The following AK5 variants were observed in gnomAD, a reference collection of about 807,000 sequenced individuals.
AK5 encodes the protein adenylate kinase 5, also known as adenylate kinase isoenzyme 5.
In AK5, 27 loss-of-function variants were observed where a neutral mutation model predicts 69.5. The observed-to-expected ratio is 0.39, with a 90% CI of 0.29 to 0.54. AK5 has a LOEUF of 0.54. Among genes scored for constraint, AK5 ranks in the 20% least tolerant of loss-of-function variants. AK5 has a pLI of 0.71. For synonymous variants in AK5, 260 were observed against 244.4 expected (o/e 1.06, Z -0.60); for missense variants, 531 against 700.4 (o/e 0.76, Z 2.73).
chr1:77,297,977 A>G (rs1224655300), intron 5 of AK5, 30 bp downstream of exon 5: 2 of 1,504,064 alleles, frequency 1.3e-6, no homozygotes, highest in Non-Finnish European at 9.0e-7. Context: ...TTTTAAATGA[A>G]CTACTTTTTG....
chr1:77,558,522 C>A (rs1181675560), intron 13 of AK5, 80 bp from the exon 14 acceptor site: 4 of 886,722 alleles, frequency 4.5e-6, no homozygotes, highest in East Asian at 2.5e-5. Flanking sequence ...AAATTATGAG[C>A]AAGTGATAGT....
chr1:77,291,678 A>G (rs1416809487), intron 2 of AK5, among the ~76,000 whole-genome samples: 1 of 152,190 alleles, frequency 6.6e-6, no homozygotes, highest in East Asian at 1.9e-4. Context: ...ACAAATATTT[A>G]TTGGACACTG....
intron 10 of AK5, among the ~76,000 whole-genome samples, chr1:77,516,908 A>C (rs969230939): frequency 5.9e-5 from 9 of 151,908 alleles, no homozygotes; most frequent in Non-Finnish European, 1.2e-4. Context: ...TGTCTGTATC[A>C]AAAAATACAA....
At chr1:77,286,822 G>A (rs555850127) in intron 1 of AK5, 119 bp from the exon 2 acceptor site, 1 of 582,346 alleles carries the variant, frequency 1.7e-6, no homozygotes, top group East Asian at 3.9e-5. Flanking sequence ...ACTCCAGCCT[G>A]GGCAGCAGAG....
At chr1:77,403,729 G>A (rs371575107) in intron 6 of AK5, among the ~76,000 whole-genome samples, 32 of 152,212 alleles carry the variant, frequency 2.1e-4, no homozygotes, top group Non-Finnish European at 3.4e-4. Flanking sequence ...GTCAGGTAGC[G>A]TGATGCCTCC....
chr1:77,558,588 C>A lies in AK5; in HGVS notation c.1621-14C>A. ...TATTTCAGACTAACTCTCTTTTTTTCCTTTTAAATATAGATAAATGCAGAG... is the reference window on the plus strand; with the variant it reads ...TATTTCAGACTAACTCTCTTTTTTTACTTTTAAATATAGATAAATGCAGAG... On this transcript the variant is annotated splice_polypyrimidine_tract_variant and intron_variant, in intron 13 of 13. Coordinates refer to ENST00000354567, the MANE Select transcript of AK5 (RefSeq NM_174858.3). The A allele has an allele frequency of 6.7e-7, 1 of 1,485,384 alleles. No individual in the cohort carries two copies. Among genetic ancestry groups the A allele is most frequent in the Non-Finnish European group, 9.3e-7 (1 of 1,069,668 alleles). 92.0% of individuals were successfully genotyped at this position (1,485,384 alleles called of 1,614,324 possible).
At chr1:77,488,474 C>A (rs1655742471) in intron 10 of AK5, among the ~76,000 whole-genome samples, 1 of 152,178 alleles carries the variant, frequency 6.6e-6, no homozygotes, top group South Asian at 2.1e-4. Context: ...TTAAACTTGA[C>A]AGCTAGGAAT....
At chr1:77,331,614 C>G (rs12030818) in intron 5 of AK5, among the ~76,000 whole-genome samples, 2 of 152,084 alleles carry the variant, frequency 1.3e-5, no homozygotes, top group Non-Finnish European at 2.9e-5. Context: ...TTGACAGATT[C>G]ATTTGCTATA....
chr1:77,533,517 A>ACAAACAAAC, intron 12 of AK5, among the ~76,000 whole-genome samples: 3 of 41,328 alleles, frequency 7.3e-5, no homozygotes, highest in African/African-American at 1.4e-4. Flanking sequence ...ACCAAAAAAA[A>ACAAACAAAC]AAAAAAAAAA....
rs866381680 is a variant in AK5 at position 77,480,525 on chromosome 1, A to T, written c.1060-2792A>T. ...ACATTAACCACGATCAGACTCCCCA[A>T]ACATGATAGCCATGTAGAAGAAAGA... On this transcript the variant is annotated intron_variant, in intron 8 of 13. Coordinates refer to ENST00000354567, the MANE Select transcript of AK5 (RefSeq NM_174858.3). 3.9e-5 allele frequency among the ~76,000 whole-genome samples: 6 copies of T among 151,982 alleles called. No homozygotes were observed. The South Asian group carries it at 1.0e-3, about 26-fold the overall frequency.
intron 6 of AK5, among the ~76,000 whole-genome samples, chr1:77,399,644 G>T (rs1015837965): frequency 6.6e-6 from 1 of 152,126 alleles, no homozygotes; most frequent in Non-Finnish European, 1.5e-5. Flanking sequence ...ACCAGACATG[G>T]CCCATATCAG....
chr1:77,416,477 T>G (rs2100580339), intron 7 of AK5, among the ~76,000 whole-genome samples: 1 of 152,342 alleles, frequency 6.6e-6, no homozygotes, highest in African/African-American at 2.4e-5. Context: ...TTGAAAAACT[T>G]TATCATCCTG....
chr1:77,365,956 A>G (rs1646942739), intron 6 of AK5, among the ~76,000 whole-genome samples: 1 of 152,182 alleles, frequency 6.6e-6, no homozygotes, highest in Non-Finnish European at 1.5e-5. Context: ...ATGTAATGGC[A>G]CTGCTTGGGC....
intron 10 of AK5, among the ~76,000 whole-genome samples, chr1:77,495,582 A>G (rs1656266363): frequency 6.6e-6 from 1 of 152,234 alleles, no homozygotes; most frequent in African/African-American, 2.4e-5. Flanking sequence ...CAGTGATTTT[A>G]GAATTTATGC....
At chr1:77,521,972 G>A in intron 12 of AK5, 29 bp downstream of exon 12, 1 of 1,508,636 alleles carries the variant, frequency 6.6e-7, no homozygotes, top group Non-Finnish European at 9.0e-7. Flanking sequence ...CATCCTTCCA[G>A]AAGAAAAATA....
chr1:77,558,326 A>AGAG (rs1217160502), intron 13 of AK5, among the ~76,000 whole-genome samples: 6 of 152,296 alleles, frequency 3.9e-5, no homozygotes, highest in Admixed American at 3.9e-4. Flanking sequence ...GCAATGAGTG[A>AGAG]GAGTTCCTAT....
At chr1:77,473,493 T>C (rs772890989) in intron 8 of AK5, among the ~76,000 whole-genome samples, 29 of 151,218 alleles carry the variant, frequency 1.9e-4, no homozygotes, top group Non-Finnish European at 3.7e-4. Context: ...TGCTGGGATC[T>C]TCCAAATCTA....
chr1:77,367,569 A>ATATATATATATATGT (rs1553139695), intron 6 of AK5, among the ~76,000 whole-genome samples: 6 of 31,636 alleles, frequency 1.9e-4, no homozygotes, highest in African/African-American at 4.7e-4. Flanking sequence ...ATATATATAT[A>ATATATATATATATGT]TATATATATA....
intron 3 of AK5, 31 bp downstream of exon 3, chr1:77,293,991 C>A (rs1381248425): frequency 6.3e-7 from 1 of 1,584,180 alleles, no homozygotes; most frequent in Non-Finnish European, 8.6e-7. Flanking sequence ...AATTCTCATA[C>A]CGTTGCTGCC....
Sources: allele counts gnomAD v4.1 joint callset (sites outside exome capture counted in the v4.1 genomes callset), GRCh38; gene constraint gnomAD v4.1.1; transcripts MANE v1.5; gene names NCBI Gene and HGNC (gene_info 2026-07-23, HGNC 2026-07-21).